Variants in DGKB observed in about 807,000 individuals in gnomAD.
DGKB encodes the protein diacylglycerol kinase beta.
Under a neutral mutation model 114.3 loss-of-function variants are expected in DGKB, and 67 were observed. The ratio of observed to expected loss-of-function variants is 0.59; its 90% CI spans 0.48 to 0.72. The LOEUF is 0.72. Among genes scored for constraint, DGKB ranks in the 30% least tolerant of loss-of-function variants. The pLI is 0.00. For synonymous variants in DGKB, 398 were observed against 323.1 expected (o/e 1.23, Z -2.49); for missense variants, 907 against 975.2 (o/e 0.93, Z 0.93).
intron 1 of DGKB, among the ~76,000 whole-genome samples, chr7:14,920,632 A>G (rs1188530943): frequency 6.6e-6 from 1 of 152,196 alleles, no homozygotes; most frequent in Non-Finnish European, 1.5e-5. Flanking sequence ...TGATCCAGCA[A>G]TCACACTCCT....
intron 15 of DGKB, among the ~76,000 whole-genome samples, chr7:14,615,499 T>A (rs905322334): frequency 3.9e-5 from 6 of 151,910 alleles, no homozygotes; most frequent in African/African-American, 1.4e-4. Context: ...TGGAATAGAT[T>A]ATAGTCTGTA....
chr7:14,216,993 GT>G (rs1789092884), intron 23 of DGKB, among the ~76,000 whole-genome samples: 1 of 151,996 alleles, frequency 6.6e-6, no homozygotes, highest in African/African-American at 2.4e-5. Context: ...CAAATATATA[GT>G]TTTAAAAGTT....
At position 14,680,183 on chromosome 7, in the gene DGKB, A is replaced by T. The variant is rs577894443; in HGVS notation, c.1035+2370T>A. 3.9e-5 allele frequency among the ~76,000 whole-genome samples: 6 copies of T among 151,918 alleles called. No homozygotes were observed. The East Asian group carries it at 1.2e-3, about 29-fold the overall frequency. On this transcript the variant is annotated intron_variant, in intron 12 of 25. Transcript: ENST00000402815. The stretch of plus-strand genomic sequence containing the variant: ...TTAACTCCACCAGAGATCCCTGGTT[A>T]GCCTTGTTTCCTAAATAGAGCTTTG...
In DGKB at chr7:14,899,587, T is replaced by C. The variant is rs1429269679; in HGVS notation, c.-188+3005A>G. 3.3e-5 allele frequency among the ~76,000 whole-genome samples: 5 copies of C among 152,224 alleles called. No individual in the cohort carries two copies. In the South Asian group the frequency reaches 1.0e-3, roughly 32 times the overall value. On this transcript the variant is annotated intron_variant, in intron 1 of 25. Transcript: ENST00000402815. ...CTCTCTGTGTTTAGATCTTCCAACTTTTCTCCTCTCATATTAACTGCATTA... is the reference window on the plus strand; with the variant it reads ...CTCTCTGTGTTTAGATCTTCCAACTCTTCTCCTCTCATATTAACTGCATTA...
At chr7:14,600,700 C>G (rs558087347) in intron 17 of DGKB, among the ~76,000 whole-genome samples, 1 of 152,278 alleles carries the variant, frequency 6.6e-6, no homozygotes, top group Middle Eastern at 3.4e-3. Flanking sequence ...AAGTCCAACA[C>G]CCAACAAGGC....
Position 14,170,145 on chromosome 7 carries a change from A to AAAAGAAAGAAAGAAAG in DGKB, c.2304+6678_2304+6693dup, listed in dbSNP as rs58897814. ...GAGAAACTCCATCTCAAAAAAAAAA[A>AAAAGAAAGAAAGAAAG]AAAGAAAGAAAGAAAGAAAGAAAGA... On this transcript the variant is annotated intron_variant, in intron 25 of 25. Transcript: ENST00000402815. Among the ~76,000 whole-genome samples the AAAAGAAAGAAAGAAAG allele has an allele frequency of 5.6e-3, 556 of 99,982 alleles. 5 individuals carry two copies. The highest frequency in any genetic ancestry group is 0.022 in the Middle Eastern group (4 of 182). 65.6% of individuals were successfully genotyped at this position (99,982 alleles called of 152,430 possible).
intron 20 of DGKB, among the ~76,000 whole-genome samples, chr7:14,565,565 C>T (rs1797272056): frequency 6.6e-6 from 1 of 152,156 alleles, no homozygotes; most frequent in African/African-American, 2.4e-5. Flanking sequence ...CTGAGCATGT[C>T]TTTATATCCT....
chr7:14,905,785 G>C (rs1783674089), upstream of DGKB, among the ~76,000 whole-genome samples: 1 of 152,166 alleles, frequency 6.6e-6, no homozygotes, highest in Non-Finnish European at 1.5e-5. Flanking sequence ...ATCTACCAAA[G>C]TGCTTAGAAA....
intron 21 of DGKB, among the ~76,000 whole-genome samples, chr7:14,370,955 T>C (rs1334250197): frequency 1.3e-5 from 2 of 152,190 alleles, no homozygotes; most frequent in African/African-American, 4.8e-5. Flanking sequence ...GTTAGGACAA[T>C]GACCTCCAGC....
chr7:14,618,683 T>G (rs1464048728), intron 15 of DGKB, among the ~76,000 whole-genome samples: 1 of 151,570 alleles, frequency 6.6e-6, no homozygotes, highest in African/African-American at 2.4e-5. Context: ...GGTTAATTAA[T>G]GAGACTCATC....
intron 16 of DGKB, among the ~76,000 whole-genome samples, chr7:14,612,222 T>G (rs553556830): frequency 7.9e-4 from 116 of 146,574 alleles, no homozygotes; most frequent in African/African-American, 2.7e-3. Context: ...TCACCTGGGC[T>G]GGAGTGCAGT....
intron 1 of DGKB, among the ~76,000 whole-genome samples, chr7:14,910,552 A>G (rs1030787739): frequency 2.6e-5 from 4 of 152,174 alleles, no homozygotes; most frequent in Admixed American, 2.6e-4. Context: ...AAGATATATG[A>G]TCAACAAATA....
At chr7:14,519,980 C>T (rs6958607) in intron 20 of DGKB, among the ~76,000 whole-genome samples, 65,776 of 151,418 alleles carry the variant, frequency 0.43, 15,105 homozygotes, top group East Asian at 0.72. Flanking sequence ...TTTACAAATA[C>T]TTTTCCACTC....
intron 23 of DGKB, among the ~76,000 whole-genome samples, chr7:14,293,478 A>G (rs1255768432): frequency 6.6e-6 from 1 of 152,198 alleles, no homozygotes; most frequent in Non-Finnish European, 1.5e-5. Flanking sequence ...ATGTTATGCC[A>G]TTTATTGTTA....
chr7:14,965,963 A>C (rs1300937570), intron 1 of DGKB, among the ~76,000 whole-genome samples: 1 of 152,062 alleles, frequency 6.6e-6, no homozygotes, highest in Admixed American at 6.5e-5. Flanking sequence ...TATCCTCCCA[A>C]ATCTGATACC....
chr7:14,575,605 C>T (rs1799005190), intron 19 of DGKB, among the ~76,000 whole-genome samples: 1 of 152,096 alleles, frequency 6.6e-6, no homozygotes, highest in African/African-American at 2.4e-5. Flanking sequence ...AGTCCTAAAA[C>T]AGAGAATAAA....
chr7:14,244,046 A>G (rs78922487), intron 23 of DGKB, among the ~76,000 whole-genome samples: 2 of 139,348 alleles, frequency 1.4e-5, no homozygotes, highest in African/African-American at 5.1e-5. Context: ...ACAGAGAGAG[A>G]GAGAGAGGGA....
At chr7:14,302,922 C>G (rs115934963) in intron 23 of DGKB, among the ~76,000 whole-genome samples, 2 of 152,036 alleles carry the variant, frequency 1.3e-5, no homozygotes, top group Non-Finnish European at 2.9e-5. Context: ...CATAGGCCAA[C>G]GAAAATTATT....
At chr7:14,599,033 T>C (rs1803076991) in intron 17 of DGKB, among the ~76,000 whole-genome samples, 1 of 152,166 alleles carries the variant, frequency 6.6e-6, no homozygotes, top group South Asian at 2.1e-4. Context: ...TGGAAAATAG[T>C]TTATTTTTGG....
Sources: allele counts gnomAD v4.1 joint callset (sites outside exome capture counted in the v4.1 genomes callset), GRCh38; gene constraint gnomAD v4.1.1; transcripts MANE v1.5; gene names NCBI Gene and HGNC (gene_info 2026-07-23, HGNC 2026-07-21).